The following CLUAP1 variants were observed in gnomAD, a reference collection of about 807,000 sequenced individuals.
CLUAP1 encodes the protein clusterin-associated protein 1.
In CLUAP1, 50 loss-of-function variants were observed where a neutral mutation model predicts 55.0. That is an observed-to-expected ratio of 0.91 (90% CI 0.72 to 1.15). The LOEUF (loss-of-function observed/expected upper bound fraction) is 1.15. Among genes scored for constraint, CLUAP1 ranks in the 50% most tolerant of loss-of-function variants. CLUAP1 has a pLI of 0.00. For synonymous variants in CLUAP1, 195 were observed against 175.4 expected (o/e 1.11, Z -0.88); for missense variants, 530 against 507.6 (o/e 1.04, Z -0.42).
intron 7 of CLUAP1, among the ~76,000 whole-genome samples, chr16:3,521,929 C>T (rs550780633): frequency 6.6e-6 from 1 of 151,998 alleles, no homozygotes; most frequent in Admixed American, 6.5e-5. Context: ...CATAGTGGCA[C>T]ATGTCTGTAG....
intron 4 of CLUAP1, among the ~76,000 whole-genome samples, chr16:3,511,540 G>GA (rs2037624874): frequency 6.6e-6 from 1 of 152,166 alleles, no homozygotes; most frequent in African/African-American, 2.4e-5. Context: ...AGGGGAGGAC[G>GA]AAACACAGGA....
chr16:3,529,212 A>G (rs1394355378), intron 9 of CLUAP1, among the ~76,000 whole-genome samples: 1 of 150,768 alleles, frequency 6.6e-6, no homozygotes, highest in Non-Finnish European at 1.5e-5. Context: ...CTTCATTCAC[A>G]TGGATTCAAC....
intron 4 of CLUAP1, among the ~76,000 whole-genome samples, chr16:3,509,146 G>A (rs1227186967): frequency 3.3e-5 from 5 of 152,172 alleles, no homozygotes; most frequent in African/African-American, 9.7e-5. Flanking sequence ...TGTGGTCCCA[G>A]CTGCCCAGGA....
At position 3,519,980 on chromosome 16, in the gene CLUAP1, G is replaced by C. The variant is rs778178545; in HGVS notation, c.657G>C (p.Lys219Asn). Residue 219 changes from lysine (K) to asparagine (N), a missense_variant, in exon 7 of 12, where the codon AAG becomes AAC. By Grantham distance (94) the Lys-to-Asn change is moderately conservative (BLOSUM62 0). Coordinates refer to ENST00000576634, the MANE Select transcript of CLUAP1 (RefSeq NM_015041.3). ...DEANLEAKIEKRKLELERNRK... is the reference protein window; with the variant it reads ...DEANLEAKIENRKLELERNRK... ...CTAATTTAGAAGCCAAAATCGAAAAGAGAAAATTAGAACTGGAAAGAAATC... is the reference window on the plus strand; with the variant it reads ...CTAATTTAGAAGCCAAAATCGAAAACAGAAAATTAGAACTGGAAAGAAATC... 29 of 1,613,688 alleles carry C rather than the reference G, an allele frequency of 1.8e-5. No individual in the cohort carries two copies. The highest frequency in any genetic ancestry group is 2.1e-5 in the Non-Finnish European group (25 of 1,179,930).
chr16:3,514,783 A>G (rs1054431590), intron 5 of CLUAP1, among the ~76,000 whole-genome samples: 25 of 152,200 alleles, frequency 1.6e-4, no homozygotes, highest in African/African-American at 5.3e-4. Flanking sequence ...ACCTCCTAAC[A>G]TCATCACATT....
rs765901773 is a variant in CLUAP1, at chr16:3,501,038, C to G, written c.-30C>G. 7.5e-6 allele frequency: 12 copies of G among 1,595,748 alleles called. No homozygotes were observed. The highest frequency in any genetic ancestry group is 1.7e-4 in the Middle Eastern group (1 of 5,750). On this transcript the variant is annotated 5_prime_UTR_variant, in exon 1 of 12. Transcript: ENST00000576634. The stretch of plus-strand genomic sequence containing the variant: ...GTGATCGCTGAGGGGCGAGCAGTTG[C>G]GACCCTGGGCTCCTGGGGACCTGAG...
At chr16:3,521,405 AC>A (rs1486449315) in intron 7 of CLUAP1, among the ~76,000 whole-genome samples, 3 of 151,524 alleles carry the variant, frequency 2.0e-5, no homozygotes, top group Non-Finnish European at 4.4e-5. Context: ...AGTTCAGCAA[AC>A]CAGTATAGAT....
chr16:3,529,538 ATAT>A (rs1302486088), intron 9 of CLUAP1, among the ~76,000 whole-genome samples: 1,309 of 56,396 alleles, frequency 0.023, 99 homozygotes, highest in African/African-American at 0.091. Context: ...TATATGTTAT[ATAT>A]TATTATATAT....
chr16:3,515,284 GC>G, intron 5 of CLUAP1: 1 of 400,090 alleles, frequency 2.5e-6, no homozygotes, highest in Non-Finnish European at 4.4e-6. Flanking sequence ...GGTCACCTAG[GC>G]CTCTGGCTGA....
intron 1 of CLUAP1, among the ~76,000 whole-genome samples, chr16:3,502,676 G>C (rs77780780): frequency 2.1e-3 from 317 of 152,176 alleles, no homozygotes; most frequent in African/African-American, 7.2e-3. Flanking sequence ...TGCCCTCTGG[G>C]GTTTGAAGGT....
At chr16:3,521,340 T>A (rs2037828344) in intron 7 of CLUAP1, among the ~76,000 whole-genome samples, 1 of 152,170 alleles carries the variant, frequency 6.6e-6, no homozygotes, top group Admixed American at 6.5e-5. Context: ...TATCTGCTTA[T>A]ATTTTTAAAA....
chr16:3,497,997 C>T (rs1012577516), upstream of CLUAP1, among the ~76,000 whole-genome samples: 4 of 151,938 alleles, frequency 2.6e-5, no homozygotes, highest in South Asian at 2.1e-4. Flanking sequence ...TGTGATTATC[C>T]GGGCTGAGAA....
Position 3,505,005 on chromosome 16 carries a change from T to A in CLUAP1, c.134+174T>A, listed in dbSNP as rs143328989. Among the ~76,000 whole-genome samples, 368 of 152,318 alleles carry A rather than the reference T, an allele frequency of 2.4e-3. 3 individuals carry two copies. The highest frequency in any genetic ancestry group is 8.3e-3 in the African/African-American group (346 of 41,568). On this transcript the variant is annotated intron_variant, in intron 2 of 11. Transcript: ENST00000576634. The stretch of plus-strand genomic sequence containing the variant: ...GGCTGGGCACAGTGGCTCACTGCTC[T>A]CATCCCAGCACTTCATAATCTCAGT...
chr16:3,496,798 C>G, upstream of CLUAP1: 1 of 373,180 alleles, frequency 2.7e-6, no homozygotes, highest in Non-Finnish European at 5.3e-6. Context: ...ATTTTGGATG[C>G]TGACAAAAAA....
chr16:3,509,379 G>T (rs1425593119), intron 4 of CLUAP1, among the ~76,000 whole-genome samples: 2 of 152,226 alleles, frequency 1.3e-5, no homozygotes, highest in African/African-American at 4.8e-5. Flanking sequence ...CTCTAAGGTG[G>T]GAATCGTTGG....
Position 3,523,147 on chromosome 16 carries a change from G to A in CLUAP1, c.714-11G>A. 3.1e-6 allele frequency: 5 copies of A among 1,597,184 alleles called. No individual in the cohort carries two copies. Among genetic ancestry groups the A allele is most frequent in the Non-Finnish European group, 4.3e-6 (5 of 1,173,574 alleles). On this transcript the variant is annotated splice_polypyrimidine_tract_variant and intron_variant, in intron 7 of 11. Transcript: ENST00000576634. Reference sequence around the variant, plus strand: ...TTCACCTTTCCTTTTTATTTCATTTGCTTCTTTTAGGCCATGTTTTATGGA... The same window carrying A: ...TTCACCTTTCCTTTTTATTTCATTTACTTCTTTTAGGCCATGTTTTATGGA...
At position 3,519,908 on chromosome 16, in the gene CLUAP1, G is replaced by T. The variant is rs2037800326; in HGVS notation, c.585G>T (p.Gln195His). 6.3e-7 allele frequency: 1 copy of T among 1,597,770 alleles called. No individual in the cohort carries two copies. Among genetic ancestry groups the T allele is most frequent in the Non-Finnish European group, 8.5e-7 (1 of 1,175,464 alleles). ...MRIAIKEILT[Q>H]VQKTKDLLNN... ...TTATTTCCCATTAAATATAGACACA[G>T]GTTCAGAAGACTAAAGACCTGCTCA... Residue 195 changes from glutamine to histidine, a missense_variant, in exon 7 of 12, where the codon CAG becomes CAT. Gln to His is a conservative substitution (Grantham distance 24). Transcript: ENST00000576634.
chr16:3,527,706 AC>A (rs2037973886), intron 9 of CLUAP1, among the ~76,000 whole-genome samples: 1 of 152,080 alleles, frequency 6.6e-6, no homozygotes, highest in Admixed American at 6.5e-5. Context: ...TCTGTCCTGT[AC>A]ACCTGGCTCT....
At chr16:3,525,181 T>G (rs953862610) in intron 8 of CLUAP1, among the ~76,000 whole-genome samples, 3 of 152,204 alleles carry the variant, frequency 2.0e-5, no homozygotes, top group African/African-American at 7.2e-5. Context: ...TCGAGGGCAC[T>G]AGAAAGAGCT....
Sources: gnomAD v4.1 joint callset for allele counts (sites outside exome capture counted in the v4.1 genomes callset) on GRCh38, gnomAD v4.1.1 for gene constraint, MANE v1.5 for transcripts, NCBI Gene and HGNC (gene_info 2026-07-23, HGNC 2026-07-21) for gene names.